SALL2: variants seen among roughly 807,000 people sequenced by gnomAD.
The protein encoded by SALL2 is sal-like protein 2.
In SALL2, 32 loss-of-function variants were observed where a neutral mutation model predicts 58.5. The observed-to-expected ratio is 0.55, with a 90% CI of 0.41 to 0.74. The LOEUF (loss-of-function observed/expected upper bound fraction) is 0.74, where lower values mean the gene tolerates loss of function less well. Ranked by LOEUF, SALL2 falls within the 30% of genes least tolerant of loss-of-function variation. The pLI is 0.00. For missense variants in SALL2, 1,201 were observed against 1,268.9 expected (o/e 0.95, Z 0.81); for synonymous variants, 516 against 513.6 (o/e 1.00, Z -0.06).
Position 21,524,886 on chromosome 14 carries a change from A to C in SALL2, c.836T>G (p.Leu279Arg), listed in dbSNP as rs958392791. ...AGCAGAGAAAGGATGCTGTGACCCC[A>C]GTGGGTGGTAAAGGTGGAAGAAGGC... ...KQAFFHLYHP[L>R]GSQHPFSAGG... Residue 279 changes from leucine (L) to arginine (R), a missense_variant, in exon 2 of 2, where the codon CTG becomes CGG. Physicochemically the swap from Leu to Arg is moderately radical, Grantham distance 102. Around this residue, in one of 3 missense-constraint regions of SALL2, gnomAD observed 467 missense variants for 468.9 expected, o/e 1.00. Transcript: ENST00000537235. 3 of 1,614,040 alleles carry C rather than the reference A, an allele frequency of 1.9e-6. No individual in the cohort carries two copies. Among genetic ancestry groups the C allele is most frequent in the African/African-American group, 1.3e-5 (1 of 74,934 alleles).
At chr14:21,533,622 T>G (rs1892521146) in intron 1 of SALL2, among the ~76,000 whole-genome samples, 1 of 149,840 alleles carries the variant, frequency 6.7e-6, no homozygotes, top group African/African-American at 2.5e-5. Context: ...CTCTCTAGAG[T>G]TTTTAAGTGA....
At chr14:21,526,361 A>T (rs1892312804), upstream of SALL2, 1 of 1,206,166 alleles carries the variant, frequency 8.3e-7, no homozygotes, top group Non-Finnish European at 1.0e-6. Context: ...GGAGCTGATG[A>T]GGAGGGGAGT....
At chr14:21,526,548 C>A (rs1053403139), upstream of SALL2, 1 of 1,113,392 alleles carries the variant, frequency 9.0e-7, no homozygotes, top group Non-Finnish European at 1.1e-6. Context: ...CAGCTCCCCC[C>A]ATCTGCAGAT....
At chr14:21,528,754 C>T (rs965494541), upstream of SALL2, among the ~76,000 whole-genome samples, 5 of 152,168 alleles carry the variant, frequency 3.3e-5, no homozygotes, top group African/African-American at 1.2e-4. Flanking sequence ...CCAATGCTTT[C>T]TCAAGCACAT....
chr14:21,522,399 AGGAG>A lies in SALL2; in HGVS notation c.*301_*304del. 7.0e-7 allele frequency: 1 copy of A among 1,420,328 alleles called. No individual in the cohort carries two copies. The highest frequency in any genetic ancestry group is 9.2e-7 in the Non-Finnish European group (1 of 1,090,784). The allele number at this position is 1,420,328 out of a possible 1,614,324, so 88.0% of individuals were successfully genotyped here. On this transcript the variant is annotated 3_prime_UTR_variant, in exon 2 of 2. Transcript: ENST00000537235. The stretch of plus-strand genomic sequence containing the variant: ...GTGCACCTACCAAAGGGAAAGGGAG[AGGAG>A]AGAGGAGGGGGAAGAAGGGTCACAC...
chr14:21,526,196 G>A lies in SALL2; in HGVS notation c.-69C>T. 1 of 1,526,988 alleles carries A rather than the reference G, an allele frequency of 6.5e-7. No individual in the cohort carries two copies. The highest frequency in any genetic ancestry group is 1.2e-5 in the South Asian group (1 of 83,438). 94.6% of individuals were successfully genotyped at this position (1,526,988 alleles called of 1,614,324 possible). A position where few individuals can be genotyped will look rare whatever the true frequency, so the allele number is the denominator to read the frequency against. On this transcript the variant is annotated 5_prime_UTR_variant, in exon 1 of 2. Coordinates refer to ENST00000537235, the MANE Select transcript of SALL2 (RefSeq NM_001364564.1). The stretch of plus-strand genomic sequence containing the variant: ...GATATTGGGATTGAGGGAGGCGATG[G>A]CCGCTGGGTCTGCGGCAGCCTCTGC...
chr14:21,523,671 G>A lies in SALL2; in HGVS notation c.2051C>T (p.Ala684Val). 6.2e-7 allele frequency: 1 copy of A among 1,614,250 alleles called. No homozygotes were observed. Among genetic ancestry groups the A allele is most frequent in the Non-Finnish European group, 8.5e-7 (1 of 1,180,052 alleles). The change falls in exon 2 of 2, where the codon GCT becomes GTT. Residue 684 changes from alanine to valine, a missense_variant. Ala to Val is a moderately conservative substitution (Grantham distance 64, BLOSUM62 0). This residue lies in a region of SALL2 where 675 missense variants were observed against 683.8 expected (regional missense o/e 0.99). Coordinates refer to ENST00000537235, the MANE Select transcript of SALL2 (RefSeq NM_001364564.1). This position sits in a 1 kb window ranked among gnomAD's most constrained non-coding sequence, Gnocchi z 4.4. The stretch of plus-strand genomic sequence containing the variant: ...GGGGCAGGAATTCTGTGCCCGGGCA[G>A]CTGGACTGGCCTTGTGGCCCACGAA... ...AHFVGHKASP[A>V]ARAQNSCPIC...
chr14:21,523,436 C>T lies in SALL2; in HGVS notation c.2286G>A (p.Glu762=). Residue 762 remains glutamate, a synonymous_variant, in exon 2 of 2, where the codon GAG becomes GAA. Transcript: ENST00000537235. The surrounding 1 kb of genome is among the most constrained non-coding windows in gnomAD (Gnocchi z 4.4). The part of the protein sequence containing the change: ...QQPSPEEELS[E]EEEEEDEEEE... ...CTTCCTCATCCTCCTCTTCCTCCTCCTCAGACAACTCCTCTTCCGGTGATG... is the reference window on the plus strand; with the variant it reads ...CTTCCTCATCCTCCTCTTCCTCCTCTTCAGACAACTCCTCTTCCGGTGATG... 6.2e-7 allele frequency: 1 copy of T among 1,613,948 alleles called. No homozygotes were observed. Among genetic ancestry groups the T allele is most frequent in the South Asian group, 1.1e-5 (1 of 91,080 alleles).
Position 21,523,666 on chromosome 14 carries a change from G to C in SALL2, c.2056C>G (p.Arg686Gly). Residue 686 changes from arginine to glycine, a missense_variant, in exon 2 of 2, where the codon CGG (arginine) becomes GGG (glycine). By Grantham distance (125) the Arg-to-Gly change is moderately radical (BLOSUM62 -2). Around this residue, in one of 3 missense-constraint regions of SALL2, gnomAD observed 675 missense variants for 683.8 expected, o/e 0.99. Transcript: ENST00000537235. This position sits in a 1 kb window ranked among gnomAD's most constrained non-coding sequence, Gnocchi z 4.4. ...FVGHKASPAA[R>G]AQNSCPICQK... ...CAGATGGGGCAGGAATTCTGTGCCCGGGCAGCTGGACTGGCCTTGTGGCCC... is the reference window on the plus strand; with the variant it reads ...CAGATGGGGCAGGAATTCTGTGCCCCGGCAGCTGGACTGGCCTTGTGGCCC... The C allele has an allele frequency of 6.2e-7, 1 of 1,614,218 alleles. No homozygotes were observed. Among genetic ancestry groups the C allele is most frequent in the Non-Finnish European group, 8.5e-7 (1 of 1,180,038 alleles).
At chr14:21,529,875 C>T (rs1892412652), upstream of SALL2, among the ~76,000 whole-genome samples, 1 of 152,116 alleles carries the variant, frequency 6.6e-6, no homozygotes, top group Admixed American at 6.5e-5. Context: ...AGGATAGGAT[C>T]CAGGCATTAG....
In SALL2 at chr14:21,524,989, G is replaced by T. The variant is rs1160785375; in HGVS notation, c.733C>A (p.Pro245Thr). The T allele has an allele frequency of 1.9e-6, 3 of 1,613,990 alleles. No homozygotes were observed. The East Asian group carries it at 6.7e-5, about 36-fold the overall frequency. Reference protein sequence around the residue: ...PLLPLFSPIKPVQTSKTLASS... With the variant: ...PLLPLFSPIKTVQTSKTLASS... ...GCCAGTGTCTTGCTGGTTTGGACAG[G>T]CTTGATGGGGCTGAAGAGGGGTAGT... Residue 245 changes from proline (P) to threonine (T), a missense_variant, in exon 2 of 2, where the codon CCT becomes ACT. Coordinates refer to ENST00000537235, the MANE Select transcript of SALL2 (RefSeq NM_001364564.1).
In SALL2 at chr14:21,524,895, T is replaced by A. The variant is rs1221345543; in HGVS notation, c.827A>T (p.Tyr276Phe). 1 of 1,613,962 alleles carries A rather than the reference T, an allele frequency of 6.2e-7. No individual in the cohort carries two copies. Among genetic ancestry groups the A allele is most frequent in the African/African-American group, 1.3e-5 (1 of 74,916 alleles). ...ETPKQAFFHL[Y>F]HPLGSQHPFS... is the part of the protein sequence containing the mutation. ...AGGATGCTGTGACCCCAGTGGGTGG[T>A]AAAGGTGGAAGAAGGCCTGCTTGGG... The change falls in exon 2 of 2, where the codon TAC (tyrosine) becomes TTC (phenylalanine). Residue 276 changes from tyrosine (Y) to phenylalanine (F), a missense_variant. Coordinates refer to ENST00000537235, the MANE Select transcript of SALL2 (RefSeq NM_001364564.1).
At position 21,526,289 on chromosome 14, in the gene SALL2, G is replaced by T. The variant is rs1892309044; in HGVS notation, c.-162C>A. On this transcript the variant is annotated 5_prime_UTR_variant, in exon 1 of 2. Transcript: ENST00000537235. The stretch of plus-strand genomic sequence containing the variant: ...GGGGCAGGGAGCAGCGGCGGAGGGG[G>T]AGGGGAGCGAGGAGGCGGGGAGAAG... 3 of 1,437,608 alleles carry T rather than the reference G, an allele frequency of 2.1e-6. No homozygotes were observed. Among genetic ancestry groups the T allele is most frequent in the African/African-American group, 1.4e-5 (1 of 69,690 alleles). 89.1% of individuals were successfully genotyped at this position (1,437,608 alleles called of 1,614,324 possible). A position where few individuals can be genotyped will look rare whatever the true frequency, so the allele number is the denominator to read the frequency against.
intron 1 of SALL2, 60 bp downstream of exon 1, chr14:21,526,001 C>CGGGGGGGGGGGGGGGGGGGGGGGG: frequency 2.2e-6 from 3 of 1,389,784 alleles, no homozygotes; most frequent in Non-Finnish European, 2.0e-6. Flanking sequence ...AAAGTCTTCG[C>CGGGGGGGGGGGGGGGGGGGGGGGG]CGCCCCTGCG....
In SALL2 at chr14:21,522,824, G is replaced by C; in HGVS notation, c.2898C>G (p.Pro966=). 1.2e-6 allele frequency: 2 copies of C among 1,609,436 alleles called. No homozygotes were observed. The highest frequency in any genetic ancestry group is 1.1e-5 in the South Asian group (1 of 90,210). Residue 966 remains proline (P), a synonymous_variant, in exon 2 of 2, where the codon CCC becomes CCG. Coordinates refer to ENST00000537235, the MANE Select transcript of SALL2 (RefSeq NM_001364564.1). ...TATTCTGAGGGCCATGGGGGGCAAA[G>C]GGCTGTACCTGGTGGTGTGCCAGGA... is the stretch of plus-strand genomic sequence containing the variant. ...HMLLAHHQVQ[P]FAPHGPQNIA...
rs749969534 is a variant in SALL2, at chr14:21,524,825, G to C, written c.897C>G (p.Ala299=). ...GVGRSHKPTP[A]PSPALPGSTD... is the part of the protein sequence containing the mutation. ...TGCTGCCTGGCAAGGCTGGGGAAGG[G>C]GCAGGGGTGGGTTTGTGGCTTCGCC... The change falls in exon 2 of 2, where the codon GCC becomes GCG. Residue 299 remains alanine, a synonymous_variant. Transcript: ENST00000537235. 3.1e-6 allele frequency: 5 copies of C among 1,611,942 alleles called. No individual in the cohort carries two copies. In the Admixed American group the frequency reaches 5.0e-5, roughly 16 times the overall value.
rs1160618669 is a variant in SALL2, at chr14:21,524,132, C to T, written c.1590G>A (p.Glu530=). 1 of 1,613,140 alleles carries T rather than the reference C, an allele frequency of 6.2e-7. No individual in the cohort carries two copies. Among genetic ancestry groups the T allele is most frequent in the Non-Finnish European group, 8.5e-7 (1 of 1,179,536 alleles). ...CTGCCACTCCACTGATGGCTGAGCC[C>T]TCACTCCCTGGGGGGGTGTTTTCAT... The part of the protein sequence containing the change: ...KADENTPPGS[E]GSAISGVAES... Residue 530 remains glutamate (E), a synonymous_variant, in exon 2 of 2, where the codon GAG becomes GAA. Transcript: ENST00000537235.
chr14:21,524,966 C>T lies in SALL2; in HGVS notation c.756G>A (p.Leu252=). ...AAGAGGAGGAGGAGGAGGAAGATGCCAGTGTCTTGCTGGTTTGGACAGGCT... is the reference window on the plus strand; with the variant it reads ...AAGAGGAGGAGGAGGAGGAAGATGCTAGTGTCTTGCTGGTTTGGACAGGCT... ...PIKPVQTSKT[L]ASSSSSSSSS... is the part of the protein sequence containing the mutation. Residue 252 remains leucine, a synonymous_variant, in exon 2 of 2, where the codon CTG becomes CTA. Transcript: ENST00000537235. 6.2e-7 allele frequency: 1 copy of T among 1,613,972 alleles called. No homozygotes were observed. Among genetic ancestry groups the T allele is most frequent in the Non-Finnish European group, 8.5e-7 (1 of 1,179,942 alleles).
Position 21,524,020 on chromosome 14 carries a change from T to C in SALL2, c.1702A>G (p.Thr568Ala), listed in dbSNP as rs201077762. ...ACATAGGGGAAGGGGAAGCTGCCAG[T>C]GGACTTGAAGTGGTTGGTAAGCAGT... is the stretch of plus-strand genomic sequence containing the variant. ...WALLTNHFKS[T>A]GSFPFPYVLE... The change falls in exon 2 of 2, where the codon ACT (threonine) becomes GCT (alanine). Residue 568 changes from threonine (T) to alanine (A), a missense_variant. Coordinates refer to ENST00000537235, the MANE Select transcript of SALL2 (RefSeq NM_001364564.1). The C allele has an allele frequency of 8.6e-5, 139 of 1,614,200 alleles. No homozygotes were observed. The East Asian group carries it at 2.5e-3, about 29-fold the overall frequency.
Sources: gnomAD v4.1 joint callset for allele counts (sites outside exome capture counted in the v4.1 genomes callset) on GRCh38, gnomAD v4.1.1 for gene constraint, gnomAD v4.1.1 regional missense constraint, Gnocchi (gnomAD v3.1) non-coding constraint, MANE v1.5 for transcripts, NCBI Gene and HGNC (gene_info 2026-07-23, HGNC 2026-07-21) for gene names.